Variants in DPY19L2 observed in about 807,000 individuals in gnomAD.
The protein encoded by DPY19L2 is probable C-mannosyltransferase DPY19L2.
DPY19L2 carries 34 observed loss-of-function variants against 97.9 expected under a neutral mutation model. That is an observed-to-expected ratio of 0.35 (90% CI 0.26 to 0.46). DPY19L2 has a LOEUF of 0.46. DPY19L2 is among the 20% of genes least tolerant of loss of function. DPY19L2 has a pLI of 1.00. For missense variants in DPY19L2, 623 were observed against 911.4 expected (o/e 0.68, Z 4.07); for synonymous variants, 230 against 307.9 (o/e 0.75, Z 2.65).
chr12:63,629,617 A>T (rs1890219126), intron 6 of DPY19L2, among the ~76,000 whole-genome samples: 1 of 152,216 alleles, frequency 6.6e-6, no homozygotes, highest in Non-Finnish European at 1.5e-5. Flanking sequence ...GATGGGGAGA[A>T]TGGAACCAAG....
At chr12:63,637,671 C>A (rs1891967034) in intron 6 of DPY19L2, among the ~76,000 whole-genome samples, 1 of 152,028 alleles carries the variant, frequency 6.6e-6, no homozygotes, top group Non-Finnish European at 1.5e-5. Context: ...GAAGTTGAAT[C>A]CCTGAATAGA....
At chr12:63,650,957 G>A (rs544653597) in intron 4 of DPY19L2, among the ~76,000 whole-genome samples, 71 of 152,196 alleles carry the variant, frequency 4.7e-4, no homozygotes, top group African/African-American at 1.7e-3. Flanking sequence ...GCAATCCTAA[G>A]CAAAAAGGAC....
intron 4 of DPY19L2, among the ~76,000 whole-genome samples, chr12:63,659,268 T>C (rs144764490): frequency 0.032 from 4,937 of 152,174 alleles, 114 homozygotes; most frequent in Middle Eastern, 0.088. Flanking sequence ...AAAATAAAAA[T>C]TTTAAAATAA....
intron 12 of DPY19L2, among the ~76,000 whole-genome samples, chr12:63,600,787 GT>G (rs71086688): frequency 0.56 from 74,531 of 132,898 alleles, 20,550 homozygotes; most frequent in African/African-American, 0.7. Context: ...TCTAAAGGAA[GT>G]TTTTTTTTTT....
intron 6 of DPY19L2, among the ~76,000 whole-genome samples, chr12:63,628,266 G>A (rs1193131340): frequency 6.6e-6 from 1 of 152,208 alleles, no homozygotes; most frequent in Non-Finnish European, 1.5e-5. Context: ...AGCAGGGCAA[G>A]GCATTGCCTC....
chr12:63,614,497 A>G (rs1445189535), intron 11 of DPY19L2, among the ~76,000 whole-genome samples: 2 of 152,198 alleles, frequency 1.3e-5, no homozygotes, highest in Non-Finnish European at 2.9e-5. Flanking sequence ...TAGTAAAAAA[A>G]ATAAAATGGG....
At chr12:63,639,518 A>AC (rs1202309768) in intron 6 of DPY19L2, among the ~76,000 whole-genome samples, 1 of 152,080 alleles carries the variant, frequency 6.6e-6, no homozygotes, top group African/African-American at 2.4e-5. Flanking sequence ...AAATCAAACA[A>AC]CCCCATCAAA....
intron 6 of DPY19L2, among the ~76,000 whole-genome samples, chr12:63,635,804 G>A (rs985694249): frequency 4.6e-5 from 7 of 152,130 alleles, no homozygotes; most frequent in East Asian, 1.9e-4. Flanking sequence ...ACGGCTGATC[G>A]GTGTACCTGA....
intron 3 of DPY19L2, among the ~76,000 whole-genome samples, chr12:63,662,973 G>T (rs1229841113): frequency 6.6e-6 from 1 of 152,186 alleles, no homozygotes; most frequent in Non-Finnish European, 1.5e-5. Context: ...AAAAGTTCTG[G>T]ATGTGGACAG....
chr12:63,609,338 C>T (rs1886584931), intron 11 of DPY19L2, among the ~76,000 whole-genome samples: 1 of 151,978 alleles, frequency 6.6e-6, no homozygotes, highest in South Asian at 2.1e-4. Flanking sequence ...ACCTGCAGTG[C>T]TATGAACTGA....
At chr12:63,594,518 TTG>T (rs796987462) in intron 15 of DPY19L2, among the ~76,000 whole-genome samples, 155 of 100,610 alleles carry the variant, frequency 1.5e-3, no homozygotes, top group African/African-American at 5.2e-3. Context: ...CTACAGGGAT[TTG>T]TGTGTGTGTG....
intron 12 of DPY19L2, among the ~76,000 whole-genome samples, chr12:63,604,244 C>A (rs1885667882): frequency 1.3e-5 from 2 of 152,112 alleles, no homozygotes; most frequent in Admixed American, 1.3e-4. Flanking sequence ...TGTGTCATTT[C>A]TCCATACCTG....
intron 16 of DPY19L2, among the ~76,000 whole-genome samples, chr12:63,591,989 G>A (rs1299846051): frequency 4.1e-4 from 10 of 24,588 alleles, no homozygotes; most frequent in African/African-American, 2.6e-3. Context: ...GGGAAGGGAA[G>A]GGAAGGGAGG....
intron 11 of DPY19L2, among the ~76,000 whole-genome samples, chr12:63,613,302 T>C (rs1467689275): frequency 6.6e-6 from 1 of 152,130 alleles, no homozygotes; most frequent in East Asian, 1.9e-4. Context: ...ATGACCAAAG[T>C]GAGGTCTATT....
chr12:63,630,552 C>G (rs574708637), intron 6 of DPY19L2, among the ~76,000 whole-genome samples: 1 of 151,974 alleles, frequency 6.6e-6, no homozygotes. Context: ...TACAGGAGCA[C>G]CTAGATTCAT....
At chr12:63,634,852 G>A (rs1198992546) in intron 6 of DPY19L2, among the ~76,000 whole-genome samples, 1 of 152,166 alleles carries the variant, frequency 6.6e-6, no homozygotes, top group East Asian at 1.9e-4. Context: ...TCCACCTCTG[G>A]GGGCAGGACG....
At chr12:63,579,895 AG>A (rs1880561327) in intron 19 of DPY19L2, among the ~76,000 whole-genome samples, 2 of 152,256 alleles carry the variant, frequency 1.3e-5, no homozygotes, top group East Asian at 3.9e-4. Flanking sequence ...CAAGCTCAGG[AG>A]TCATAAGAAA....
At chr12:63,657,173 G>A (rs970260153) in intron 4 of DPY19L2, among the ~76,000 whole-genome samples, 12 of 152,228 alleles carry the variant, frequency 7.9e-5, no homozygotes, top group African/African-American at 2.9e-4. Flanking sequence ...TTACCGTTAG[G>A]TCTTTATTGT....
chr12:63,665,648 T>C (rs55820888), intron 2 of DPY19L2, among the ~76,000 whole-genome samples, 187 bp downstream of exon 2: 25,801 of 152,120 alleles, frequency 0.17, 2,646 homozygotes, highest in Non-Finnish European at 0.23. Flanking sequence ...ATTCCCCTAA[T>C]GCATCTATTT....
Sources: gnomAD v4.1 joint callset for allele counts (sites outside exome capture counted in the v4.1 genomes callset) on GRCh38, gnomAD v4.1.1 for gene constraint, MANE v1.5 for transcripts, NCBI Gene and HGNC (gene_info 2026-07-23, HGNC 2026-07-21) for gene names.